Variants in PDIA5 observed in about 807,000 individuals in gnomAD.
The protein encoded by PDIA5 is protein disulfide-isomerase A5.
Under a neutral mutation model 77.6 loss-of-function variants are expected in PDIA5, and 58 were observed. The ratio of observed to expected loss-of-function variants is 0.75; its 90% CI spans 0.61 to 0.93. The LOEUF (loss-of-function observed/expected upper bound fraction) is 0.93. PDIA5 is among the 40% of genes least tolerant of loss of function. PDIA5 has a pLI of 0.00. For missense variants in PDIA5, 630 were observed against 647.7 expected, an observed-to-expected ratio of 0.97 and a Z score of 0.30; for synonymous variants, 250 against 252.1, an observed-to-expected ratio of 0.99 and a Z score of 0.08.
At chr3:123,138,056 C>T (rs1212757774) in intron 11 of PDIA5, among the ~76,000 whole-genome samples, 1 of 152,136 alleles carries the variant, frequency 6.6e-6, no homozygotes, top group African/African-American at 2.4e-5. Flanking sequence ...AGTGATCCTC[C>T]TGCCTCAGCC....
rs760239907 is a variant in PDIA5 at position 123,092,462 on chromosome 3, G to A, written c.257+20G>A. ...CTGTGGGTATGTGCTGGGGCCATGTGCCATGGTGGCTGCTGGGCAGAGGGG... is the reference window on the plus strand; with the variant it reads ...CTGTGGGTATGTGCTGGGGCCATGTACCATGGTGGCTGCTGGGCAGAGGGG... On this transcript the variant is annotated intron_variant, in intron 3 of 16. Transcript: ENST00000316218. 12 of 1,589,960 alleles carry A rather than the reference G, an allele frequency of 7.5e-6. No homozygotes were observed. Among genetic ancestry groups the A allele is most frequent in the Non-Finnish European group, 9.5e-6 (11 of 1,158,186 alleles).
At chr3:123,142,514 T>TG (rs1305959555) in intron 11 of PDIA5, among the ~76,000 whole-genome samples, 1 of 152,222 alleles carries the variant, frequency 6.6e-6, no homozygotes, top group East Asian at 1.9e-4. Flanking sequence ...CAGCTTATGA[T>TG]GGGGGGATCC....
chr3:123,113,377 C>T (rs1934912345), intron 7 of PDIA5, among the ~76,000 whole-genome samples: 2 of 152,184 alleles, frequency 1.3e-5, no homozygotes, highest in Admixed American at 1.3e-4. Flanking sequence ...GCAGTGTGCC[C>T]ATCCCATCCT....
intron 14 of PDIA5, 112 bp from the exon 15 acceptor site, chr3:123,154,859 A>G (rs936024624): frequency 4.0e-6 from 3 of 743,180 alleles, no homozygotes; most frequent in Non-Finnish European, 4.9e-6. Flanking sequence ...TGTGGCGGGC[A>G]GTGGGGAGCT....
intron 5 of PDIA5, 62 bp downstream of exon 5, chr3:123,102,858 AG>A: frequency 6.3e-6 from 7 of 1,110,260 alleles, no homozygotes; most frequent in Non-Finnish European, 8.3e-6. Context: ...AAAGTCTGGC[AG>A]GTTTTCTCTC....
chr3:123,081,687 C>T (rs1361783861), intron 1 of PDIA5, among the ~76,000 whole-genome samples: 1 of 152,216 alleles, frequency 6.6e-6, no homozygotes, highest in African/African-American at 2.4e-5. Flanking sequence ...AGTCTTCCTC[C>T]GTTAGCAAGC....
intron 6 of PDIA5, among the ~76,000 whole-genome samples, chr3:123,108,342 G>A (rs1436731086): frequency 2.7e-5 from 4 of 149,502 alleles, no homozygotes; most frequent in Admixed American, 6.7e-5. Context: ...GTGCAGTAGC[G>A]TGATCTTGGC....
At chr3:123,070,613 G>T (rs1246619701) in intron 1 of PDIA5, among the ~76,000 whole-genome samples, 1 of 152,184 alleles carries the variant, frequency 6.6e-6, no homozygotes, top group Non-Finnish European at 1.5e-5. Flanking sequence ...CCTGCCAAGT[G>T]CTCCTGGACA....
intron 3 of PDIA5, among the ~76,000 whole-genome samples, chr3:123,096,571 T>G (rs1303077026): frequency 6.6e-6 from 1 of 152,184 alleles, no homozygotes; most frequent in Admixed American, 6.5e-5. Flanking sequence ...TTTTTGCTTT[T>G]CTGACTCTTC....
intron 5 of PDIA5, among the ~76,000 whole-genome samples, chr3:123,104,437 C>G (rs1934683150): frequency 6.6e-6 from 1 of 152,194 alleles, no homozygotes; most frequent in South Asian, 2.1e-4. Flanking sequence ...CTCCTGGGAC[C>G]CTGACTCCAG....
At chr3:123,095,766 A>G (rs1402316505) in intron 3 of PDIA5, among the ~76,000 whole-genome samples, 1 of 151,498 alleles carries the variant, frequency 6.6e-6, no homozygotes, top group Non-Finnish European at 1.5e-5. Flanking sequence ...AAAAAAAAAA[A>G]AAGTACAGGG....
At chr3:123,092,263 G>A (rs1056051555) in intron 2 of PDIA5, 92 bp from the exon 3 acceptor site, 6 of 997,004 alleles carry the variant, frequency 6.0e-6, no homozygotes, top group East Asian at 2.5e-5. Flanking sequence ...TCTAGGATTG[G>A]TCTCCATCCT....
At chr3:123,116,756 T>C (rs1290723433) in intron 8 of PDIA5, among the ~76,000 whole-genome samples, 1 of 152,100 alleles carries the variant, frequency 6.6e-6, no homozygotes, top group Non-Finnish European at 1.5e-5. Flanking sequence ...CTTCCCAGGC[T>C]CTGTGGTTCC....
At chr3:123,161,799 TG>T in intron 16 of PDIA5, 80 bp from the exon 17 acceptor site, 2 of 918,118 alleles carry the variant, frequency 2.2e-6, no homozygotes, top group South Asian at 1.4e-5. Context: ...CTGGAGGGGC[TG>T]GGGGTGTGGG....
intron 1 of PDIA5, among the ~76,000 whole-genome samples, chr3:123,079,660 A>G (rs541282677): frequency 1.3e-5 from 2 of 152,304 alleles, no homozygotes; most frequent in South Asian, 4.1e-4. Flanking sequence ...GACCTCTGCT[A>G]ATTTCCTCAG....
intron 1 of PDIA5, among the ~76,000 whole-genome samples, chr3:123,078,025 G>A (rs1933901257): frequency 6.6e-6 from 1 of 152,010 alleles, no homozygotes; most frequent in Admixed American, 6.6e-5. Flanking sequence ...GGCCAGGCTG[G>A]TCTCAAACTC....
chr3:123,092,298 A>C, intron 2 of PDIA5, 57 bp from the exon 3 acceptor site: 1 of 1,392,804 alleles, frequency 7.2e-7, no homozygotes, highest in Non-Finnish European at 1.0e-6. Context: ...GGAAGATAGC[A>C]GACATGACCC....
intron 2 of PDIA5, among the ~76,000 whole-genome samples, chr3:123,090,181 C>T (rs1253020157): frequency 6.6e-6 from 1 of 152,218 alleles, no homozygotes; most frequent in Non-Finnish European, 1.5e-5. Context: ...GTGTTCATTG[C>T]CACTTGCGGC....
At chr3:123,104,059 C>T (rs933688150) in intron 5 of PDIA5, among the ~76,000 whole-genome samples, 11 of 152,130 alleles carry the variant, frequency 7.2e-5, no homozygotes, top group African/African-American at 2.7e-4. Flanking sequence ...AGCAAGGAGC[C>T]CAGGTGGCCC....
Sources: gnomAD v4.1 joint callset for allele counts (sites outside exome capture counted in the v4.1 genomes callset) on GRCh38, gnomAD v4.1.1 for gene constraint, MANE v1.5 for transcripts, NCBI Gene and HGNC (gene_info 2026-07-23, HGNC 2026-07-21) for gene names.